Variants in RETREG1 observed in about 807,000 individuals in gnomAD.
The protein encoded by RETREG1 is family with sequence similarity 134 member B.
A neutral mutation model predicts 54.8 loss-of-function variants in RETREG1; 44 were observed. The observed-to-expected ratio is 0.80, with a 90% CI of 0.63 to 1.03. The LOEUF (loss-of-function observed/expected upper bound fraction) is 1.03. Among genes scored for constraint, RETREG1 ranks in the 50% least tolerant of loss-of-function variants. RETREG1 has a pLI of 0.00. For synonymous variants in RETREG1, 217 were observed against 238.5 expected (o/e 0.91, Z 0.83); for missense variants, 554 against 605.1 (o/e 0.92, Z 0.89).
At chr5:16,525,419 T>C (rs1740685149) in intron 3 of RETREG1, among the ~76,000 whole-genome samples, 1 of 152,100 alleles carries the variant, frequency 6.6e-6, no homozygotes, top group African/African-American at 2.4e-5. Flanking sequence ...GCTGACCTCA[T>C]GTGAGGAGAT....
chr5:16,516,099 C>A (rs1286099208), intron 3 of RETREG1, among the ~76,000 whole-genome samples: 2 of 147,610 alleles, frequency 1.4e-5, no homozygotes, highest in African/African-American at 5.0e-5. Context: ...AAAGGAATAA[C>A]CTTCAGTTGT....
intron 2 of RETREG1, among the ~76,000 whole-genome samples, chr5:16,568,933 G>A (rs1044283182): frequency 1.1e-4 from 16 of 152,232 alleles, no homozygotes; most frequent in African/African-American, 3.9e-4. Flanking sequence ...CTGGAAGAGA[G>A]GGAAGGAGAG....
intron 3 of RETREG1, among the ~76,000 whole-genome samples, chr5:16,500,988 A>G (rs1739688699): frequency 6.6e-6 from 1 of 152,082 alleles, no homozygotes; most frequent in Admixed American, 6.5e-5. Flanking sequence ...CCTGCCCTAT[A>G]TATTATGTCT....
At chr5:16,529,249 A>C (rs747380580) in intron 3 of RETREG1, among the ~76,000 whole-genome samples, 12 of 152,220 alleles carry the variant, frequency 7.9e-5, no homozygotes, top group Non-Finnish European at 1.3e-4. Context: ...AAGACTATTT[A>C]ATATAAAATA....
chr5:16,593,570 T>C lies in RETREG1; in HGVS notation c.321-21468A>G, dbSNP rs1742830400. Among the ~76,000 whole-genome samples, 1 of 151,634 alleles carries C rather than the reference T, an allele frequency of 6.6e-6. No homozygotes were observed. The highest frequency in any genetic ancestry group is 1.5e-5 in the Non-Finnish European group (1 of 67,890). On this transcript the variant is annotated intron_variant, in intron 1 of 8. Coordinates refer to ENST00000306320, the MANE Select transcript of RETREG1 (RefSeq NM_001034850.3). This position sits in a 1 kb window ranked among gnomAD's most constrained non-coding sequence, Gnocchi z 4.9. ...TCATAATAATGACAGCTTGCCAAATTGGGGGAAAAAAAAAACTATGGGGAA... is the reference window on the plus strand; with the variant it reads ...TCATAATAATGACAGCTTGCCAAATCGGGGGAAAAAAAAAACTATGGGGAA...
At chr5:16,508,546 A>G in intron 3 of RETREG1, 2 of 1,590,600 alleles carry the variant, frequency 1.3e-6, no homozygotes, top group Non-Finnish European at 1.7e-6. Context: ...AACAGACTGA[A>G]GAATAAGTAC....
intron 3 of RETREG1, among the ~76,000 whole-genome samples, chr5:16,548,714 C>T (rs1308771405): frequency 6.6e-6 from 1 of 152,216 alleles, no homozygotes; most frequent in Non-Finnish European, 1.5e-5. Context: ...TTATAACCTT[C>T]TTGACTGAAA....
chr5:16,596,341 T>G (rs1405907064), intron 1 of RETREG1, among the ~76,000 whole-genome samples: 2 of 152,230 alleles, frequency 1.3e-5, no homozygotes, highest in Non-Finnish European at 2.9e-5. Flanking sequence ...ATGATTCTTT[T>G]GCTGAAATCT....
intron 3 of RETREG1, among the ~76,000 whole-genome samples, chr5:16,502,909 A>G (rs1367698775): frequency 6.6e-6 from 1 of 152,240 alleles, no homozygotes; most frequent in Non-Finnish European, 1.5e-5. Flanking sequence ...TTTGCCATAA[A>G]GAGAGAAGAG....
In RETREG1 at chr5:16,573,776, C is replaced by T. The variant is rs1006288164; in HGVS notation, c.321-1674G>A. Among the ~76,000 whole-genome samples, 3 of 124,808 alleles carry T rather than the reference C, an allele frequency of 2.4e-5. No individual in the cohort carries two copies. The Admixed American group carries it at 3.0e-4, about 13-fold the overall frequency. The allele number at this position is 124,808 out of a possible 152,430, so 81.9% of individuals were successfully genotyped here. ...TTTTTTTTTTTGAGATGGAGTTTCA[C>T]TCTTGCCACCCAGGCTGGAGTGCAG... On this transcript the variant is annotated intron_variant, in intron 1 of 8. Coordinates refer to ENST00000306320, the MANE Select transcript of RETREG1 (RefSeq NM_001034850.3).
chr5:16,591,311 A>G (rs1742766597), intron 1 of RETREG1, among the ~76,000 whole-genome samples: 1 of 151,572 alleles, frequency 6.6e-6, no homozygotes, highest in Admixed American at 6.6e-5. Flanking sequence ...TCTTCTTAAT[A>G]TGGAAAGAAT....
intron 1 of RETREG1, among the ~76,000 whole-genome samples, chr5:16,595,366 C>A (rs550163849): frequency 6.6e-6 from 1 of 152,242 alleles, no homozygotes; most frequent in South Asian, 2.1e-4. Context: ...AGGTCAACAG[C>A]TCTTTCAGAG....
chr5:16,508,667 G>C, intron 3 of RETREG1: 1 of 1,612,834 alleles, frequency 6.2e-7, no homozygotes, highest in Non-Finnish European at 8.5e-7. Context: ...TGCTAACCAC[G>C]GCTAATGTGG....
intron 3 of RETREG1, among the ~76,000 whole-genome samples, chr5:16,489,531 G>C (rs1260315126): frequency 6.6e-6 from 1 of 152,134 alleles, no homozygotes; most frequent in African/African-American, 2.4e-5. Context: ...TTCACCAATA[G>C]TATCTTTGAG....
intron 1 of RETREG1, among the ~76,000 whole-genome samples, chr5:16,586,989 T>C (rs1742641117): frequency 6.6e-6 from 1 of 152,208 alleles, no homozygotes; most frequent in South Asian, 2.1e-4. Flanking sequence ...ACTAATCCCA[T>C]TCATGAGGGC....
intron 3 of RETREG1, among the ~76,000 whole-genome samples, chr5:16,559,348 G>T (rs1211693182): frequency 6.6e-6 from 1 of 152,202 alleles, no homozygotes; most frequent in Non-Finnish European, 1.5e-5. Flanking sequence ...GCTCTGGAAA[G>T]ACTGACTCTG....
chr5:16,567,164 G>A (rs1237649871), intron 2 of RETREG1, among the ~76,000 whole-genome samples: 1 of 152,220 alleles, frequency 6.6e-6, no homozygotes, highest in Non-Finnish European at 1.5e-5. Flanking sequence ...GAGGGAGGAA[G>A]TCAGTCTAAA....
chr5:16,556,202 A>T (rs1043644167), intron 3 of RETREG1, among the ~76,000 whole-genome samples: 1 of 149,996 alleles, frequency 6.7e-6, no homozygotes, highest in South Asian at 2.1e-4. Context: ...TCTGTCGCCC[A>T]GGCTTGAGTG....
chr5:16,576,919 A>T (rs913493379), intron 1 of RETREG1, among the ~76,000 whole-genome samples: 1 of 152,198 alleles, frequency 6.6e-6, no homozygotes, highest in Non-Finnish European at 1.5e-5. Flanking sequence ...CTGGCCAAAA[A>T]CAAGATATTT....
Sources: allele counts gnomAD v4.1 joint callset (sites outside exome capture counted in the v4.1 genomes callset), GRCh38; gene constraint gnomAD v4.1.1; non-coding constraint Gnocchi (gnomAD v3.1); transcripts MANE v1.5; gene names NCBI Gene and HGNC (gene_info 2026-07-23, HGNC 2026-07-21).